THEMIS: variants seen among roughly 807,000 people sequenced by gnomAD.
THEMIS encodes protein THEMIS.
In THEMIS, 37 loss-of-function variants were observed where a neutral mutation model predicts 52.6. The observed-to-expected ratio is 0.70, with a 90% CI of 0.54 to 0.93. THEMIS has a LOEUF of 0.93. Ranked by LOEUF, THEMIS falls within the 40% of genes least tolerant of loss-of-function variation. The pLI, the probability that THEMIS is intolerant of heterozygous loss-of-function variation, is 0.00. For missense variants in THEMIS, 808 were observed against 763.1 expected (o/e 1.06, Z -0.69); for synonymous variants, 292 against 272.7 (o/e 1.07, Z -0.70).
At chr6:127,866,271 TTATAAAGTGCAC>T (rs1373196640) in intron 1 of THEMIS, among the ~76,000 whole-genome samples, 1 of 152,072 alleles carries the variant, frequency 6.6e-6, no homozygotes, top group East Asian at 1.9e-4. Context: ...TCATATTCAT[TTATAAAGTGCAC>T]TATTCAGTAT....
At chr6:127,789,353 T>A (rs1197740788) in intron 4 of THEMIS, among the ~76,000 whole-genome samples, 1 of 152,156 alleles carries the variant, frequency 6.6e-6, no homozygotes, top group Non-Finnish European at 1.5e-5. Flanking sequence ...AATAGATCGA[T>A]TACAGGTTCT....
chr6:127,894,096 T>C (rs1432298715), intron 1 of THEMIS, among the ~76,000 whole-genome samples: 3 of 151,812 alleles, frequency 2.0e-5, no homozygotes, highest in Non-Finnish European at 4.4e-5. Flanking sequence ...GTGAACCAGA[T>C]AGATGTACAA....
At chr6:127,742,313 T>TAAA (rs778252716) in intron 4 of THEMIS, among the ~76,000 whole-genome samples, 99 of 121,206 alleles carry the variant, frequency 8.2e-4, no homozygotes, top group Admixed American at 1.7e-3. Context: ...AGACTCTGCT[T>TAAA]AAAAAAAAAA....
intron 4 of THEMIS, among the ~76,000 whole-genome samples, chr6:127,809,742 T>G (rs1461808992): frequency 6.6e-6 from 1 of 151,610 alleles, no homozygotes; most frequent in Non-Finnish European, 1.5e-5. Flanking sequence ...AAATTTGTCC[T>G]CCCTTTAACT....
intron 4 of THEMIS, chr6:127,807,082 G>C (rs757651894): frequency 6.4e-6 from 1 of 155,480 alleles, no homozygotes; most frequent in Non-Finnish European, 1.4e-5. Context: ...GCTAACATTG[G>C]CTAGGTGCAG....
Position 127,759,476 on chromosome 6 carries a change from CTTAA to C in THEMIS, c.1759-39657_1759-39654del, listed in dbSNP as rs534456700. Among the ~76,000 whole-genome samples the C allele has an allele frequency of 8.9e-4, 135 of 152,264 alleles. 1 individual carries two copies. Among genetic ancestry groups the C allele is most frequent in the African/African-American group, 3.0e-3 (124 of 41,562 alleles). On this transcript the variant is annotated intron_variant, in intron 4 of 5. Transcript: ENST00000368248. Reference sequence around the variant, plus strand: ...AATTTCAAATTTAATATTTCCAAAACTTAATTATTCACTTCTCCTCAAACATATT... The same window carrying C: ...AATTTCAAATTTAATATTTCCAAAACTTATTCACTTCTCCTCAAACATATT...
chr6:127,750,117 C>T (rs1775585713), intron 4 of THEMIS, among the ~76,000 whole-genome samples: 2 of 150,596 alleles, frequency 1.3e-5, no homozygotes, highest in South Asian at 4.2e-4. Flanking sequence ...CACCTCTGTG[C>T]AGGTCTCAAT....
intron 1 of THEMIS, among the ~76,000 whole-genome samples, chr6:127,895,377 TA>T (rs1474356181): frequency 2.0e-5 from 3 of 151,604 alleles, no homozygotes; most frequent in African/African-American, 7.2e-5. Context: ...TTTCTGACAT[TA>T]ATGTCTATTT....
intron 2 of THEMIS, among the ~76,000 whole-genome samples, chr6:127,845,875 C>T (rs1457237886): frequency 6.6e-6 from 1 of 151,900 alleles, no homozygotes; most frequent in African/African-American, 2.4e-5. Context: ...CAGAAAGTCA[C>T]ATGAGTAATT....
chr6:127,791,199 A>G (rs1381395477), intron 4 of THEMIS, among the ~76,000 whole-genome samples: 1 of 152,186 alleles, frequency 6.6e-6, no homozygotes, highest in Non-Finnish European at 1.5e-5. Flanking sequence ...AGGGTGAGCA[A>G]GGTGAAGAGG....
At chr6:127,765,604 CAAAG>C (rs1776169735) in intron 4 of THEMIS, among the ~76,000 whole-genome samples, 1 of 152,044 alleles carries the variant, frequency 6.6e-6, no homozygotes, top group African/African-American at 2.4e-5. Context: ...ACATTTCAGT[CAAAG>C]AACCACACAT....
intron 4 of THEMIS, among the ~76,000 whole-genome samples, chr6:127,808,078 G>A (rs886858303): frequency 5.3e-5 from 8 of 152,020 alleles, no homozygotes; most frequent in Non-Finnish European, 8.8e-5. Context: ...GTTCTTGTCC[G>A]ACAGAAATCT....
chr6:127,894,053 A>C (rs1780891437), intron 1 of THEMIS, among the ~76,000 whole-genome samples: 1 of 152,114 alleles, frequency 6.6e-6, no homozygotes, highest in Non-Finnish European at 1.5e-5. Flanking sequence ...AACCTCAAAA[A>C]AATTTTGATG....
intron 1 of THEMIS, among the ~76,000 whole-genome samples, chr6:127,864,182 T>C (rs1042914881): frequency 3.3e-5 from 5 of 152,030 alleles, no homozygotes; most frequent in African/African-American, 1.2e-4. Flanking sequence ...AGATGATCTA[T>C]AGTAGATTAT....
At chr6:127,788,849 A>T (rs1180418522) in intron 4 of THEMIS, among the ~76,000 whole-genome samples, 3 of 152,188 alleles carry the variant, frequency 2.0e-5, no homozygotes, top group Admixed American at 6.5e-5. Context: ...TAGTAAAAAC[A>T]TACCATAATC....
At chr6:127,858,516 T>A (rs920416398) in intron 1 of THEMIS, among the ~76,000 whole-genome samples, 1 of 152,132 alleles carries the variant, frequency 6.6e-6, no homozygotes, top group Non-Finnish European at 1.5e-5. Flanking sequence ...GGAAATCTTG[T>A]ATTTTATTAT....
At chr6:127,745,406 C>A (rs760094701) in intron 4 of THEMIS, among the ~76,000 whole-genome samples, 1 of 151,678 alleles carries the variant, frequency 6.6e-6, no homozygotes, top group Non-Finnish European at 1.5e-5. Context: ...TTAAAGACAT[C>A]AAAAAAGTTG....
chr6:127,768,480 G>A (rs968214539), intron 4 of THEMIS, among the ~76,000 whole-genome samples: 5 of 151,960 alleles, frequency 3.3e-5, no homozygotes, highest in Non-Finnish European at 5.9e-5. Context: ...ACAGTACTTC[G>A]CAACAAAAAC....
At chr6:127,907,946 A>G (rs147563475) in intron 1 of THEMIS, among the ~76,000 whole-genome samples, 262 of 152,152 alleles carry the variant, frequency 1.7e-3, no homozygotes, top group African/African-American at 5.8e-3. Context: ...TATAAGAATG[A>G]ATATGAATTA....
Sources: gnomAD v4.1 joint callset for allele counts (sites outside exome capture counted in the v4.1 genomes callset) on GRCh38, gnomAD v4.1.1 for gene constraint, MANE v1.5 for transcripts, NCBI Gene and HGNC (gene_info 2026-07-23, HGNC 2026-07-21) for gene names.